ZNF804A: variants seen among roughly 807,000 people sequenced by gnomAD.
ZNF804A encodes the protein zinc finger protein 804A.
Under a neutral mutation model 16.5 loss-of-function variants are expected in ZNF804A, and 2 were observed. The ratio of observed to expected loss-of-function variants is 0.12; its 90% CI spans 0.05 to 0.38. The LOEUF (loss-of-function observed/expected upper bound fraction) is 0.38. ZNF804A is among the 10% of genes least tolerant of loss of function. The probability of loss-of-function intolerance (pLI) is 0.99; values close to 1 mark genes in which losing one functional copy is unlikely to be tolerated. For missense variants in ZNF804A, 1,473 were observed against 1,390.7 expected (o/e 1.06, Z -0.94); for synonymous variants, 534 against 489.6 (o/e 1.09, Z -1.20).
At chr2:184,640,706 C>G (rs1239510962) in intron 1 of ZNF804A, among the ~76,000 whole-genome samples, 1 of 151,978 alleles carries the variant, frequency 6.6e-6, no homozygotes, top group South Asian at 2.1e-4. Context: ...ACATTTTATT[C>G]ATTATATTAG....
rs746430212 is a variant in ZNF804A at position 184,933,590 on chromosome 2, T to C, written c.256-13T>C. 12 of 1,551,480 alleles carry C rather than the reference T, an allele frequency of 7.7e-6. No homozygotes were observed. The highest frequency in any genetic ancestry group is 1.0e-5 in the Non-Finnish European group (12 of 1,155,000). On this transcript the variant is annotated splice_polypyrimidine_tract_variant and intron_variant, in intron 2 of 3. Transcript: ENST00000302277. ...AAAATACAATTAATCATTTTCCAAC[T>C]TTTTTTTAACAGAGGCTCAAGGAAC... is the stretch of plus-strand genomic sequence containing the variant.
chr2:184,720,369 C>T (rs1693290898), intron 1 of ZNF804A, among the ~76,000 whole-genome samples: 1 of 152,058 alleles, frequency 6.6e-6, no homozygotes, highest in Non-Finnish European at 1.5e-5. Flanking sequence ...CTAAAGACTT[C>T]ATAAAAACAC....
chr2:184,662,540 G>A (rs999650754), intron 1 of ZNF804A, among the ~76,000 whole-genome samples: 1 of 152,146 alleles, frequency 6.6e-6, no homozygotes, highest in Non-Finnish European at 1.5e-5. Flanking sequence ...GTCTCAGTGA[G>A]TATTTGCTTA....
At position 184,599,083 on chromosome 2, in the gene ZNF804A, GT is replaced by G. The variant is rs1691005319; in HGVS notation, c.111+17del. 1 of 1,554,804 alleles carries G rather than the reference GT, an allele frequency of 6.4e-7. No homozygotes were observed. Among genetic ancestry groups the G allele is most frequent in the African/African-American group, 1.5e-5 (1 of 66,726 alleles). On this transcript the variant is annotated intron_variant, in intron 1 of 3. Transcript: ENST00000302277. ...GAACAAAACTCTGGTAATCGCTTCTGTTTTCCTCTCTCTCTCTCTCATATTT... is the reference window on the plus strand; with the variant it reads ...GAACAAAACTCTGGTAATCGCTTCTGTTTCCTCTCTCTCTCTCTCATATTT...
At chr2:184,739,090 G>A (rs10167859) in intron 1 of ZNF804A, among the ~76,000 whole-genome samples, 51,001 of 152,012 alleles carry the variant, frequency 0.34, 11,903 homozygotes, top group African/African-American at 0.67. Context: ...GACTAAATTT[G>A]AAGCTTGAGA....
At chr2:184,607,246 C>A (rs1691162723) in intron 1 of ZNF804A, among the ~76,000 whole-genome samples, 1 of 152,152 alleles carries the variant, frequency 6.6e-6, no homozygotes, top group African/African-American at 2.4e-5. Context: ...AAGTCAAGCT[C>A]TCTCTAAATT....
At chr2:184,732,077 C>G (rs1693529028) in intron 1 of ZNF804A, among the ~76,000 whole-genome samples, 1 of 152,048 alleles carries the variant, frequency 6.6e-6, no homozygotes, top group South Asian at 2.1e-4. Flanking sequence ...CTTATCAGTT[C>G]TTTCCTTTGT....
intron 1 of ZNF804A, among the ~76,000 whole-genome samples, chr2:184,741,228 A>G (rs535471269): frequency 2.4e-4 from 36 of 152,308 alleles, no homozygotes; most frequent in Middle Eastern, 6.8e-3. Flanking sequence ...AATAATAAAG[A>G]TTAAATCATC....
At chr2:184,816,760 T>C (rs1694989269) in intron 1 of ZNF804A, among the ~76,000 whole-genome samples, 1 of 151,964 alleles carries the variant, frequency 6.6e-6, no homozygotes, top group Admixed American at 6.6e-5. Context: ...ATTTTTTTTG[T>C]CATTGCTGCT....
chr2:184,641,111 T>C (rs1691789704), intron 1 of ZNF804A, among the ~76,000 whole-genome samples: 1 of 152,098 alleles, frequency 6.6e-6, no homozygotes, highest in African/African-American at 2.4e-5. Context: ...CCGGCCACTA[T>C]GACTGGCTAA....
At chr2:184,608,465 C>T (rs1333366250) in intron 1 of ZNF804A, among the ~76,000 whole-genome samples, 1 of 152,070 alleles carries the variant, frequency 6.6e-6, no homozygotes, top group Non-Finnish European at 1.5e-5. Context: ...CAGCTTTCCT[C>T]ATAATGGCTG....
intron 1 of ZNF804A, among the ~76,000 whole-genome samples, chr2:184,820,571 A>G (rs1695060785): frequency 1.3e-5 from 2 of 152,150 alleles, no homozygotes; most frequent in South Asian, 4.1e-4. Flanking sequence ...TGCAAGGACA[A>G]TCAGGCAAGA....
Position 184,938,624 on chromosome 2 carries a change from C to T in ZNF804A, c.3228C>T (p.Pro1076=). The T allele has an allele frequency of 6.2e-7, 1 of 1,614,004 alleles. No homozygotes were observed. Among genetic ancestry groups the T allele is most frequent in the Non-Finnish European group, 8.5e-7 (1 of 1,179,980 alleles). Residue 1076 remains proline, a synonymous_variant, in exon 4 of 4, where the codon CCC becomes CCT. Transcript: ENST00000302277. ...CCTTTCCTCCAGCTGCCCTCCCACCCCCTAGCACACCTCTGCAGCCTTTGC... is the reference window on the plus strand; with the variant it reads ...CCTTTCCTCCAGCTGCCCTCCCACCTCCTAGCACACCTCTGCAGCCTTTGC... ...KFTFPPAALP[P]PSTPLQPLPL... is the part of the protein sequence containing the mutation.
intron 1 of ZNF804A, among the ~76,000 whole-genome samples, chr2:184,637,012 A>G (rs1479716908): frequency 6.6e-6 from 1 of 152,214 alleles, no homozygotes; most frequent in Non-Finnish European, 1.5e-5. Flanking sequence ...AATGTTGTGT[A>G]GAAGATTTTT....
chr2:184,850,567 T>C (rs370942333), intron 1 of ZNF804A, among the ~76,000 whole-genome samples: 8 of 151,922 alleles, frequency 5.3e-5, no homozygotes, highest in African/African-American at 1.9e-4. Flanking sequence ...AATCAGAATT[T>C]AGCAAATGAT....
At chr2:184,778,082 C>A (rs1694315836) in intron 1 of ZNF804A, among the ~76,000 whole-genome samples, 1 of 151,602 alleles carries the variant, frequency 6.6e-6, no homozygotes, top group Non-Finnish European at 1.5e-5. Context: ...AAAATATGTA[C>A]CCTTTGCTTC....
chr2:184,620,768 T>A (rs552563982), intron 1 of ZNF804A, among the ~76,000 whole-genome samples: 1 of 151,848 alleles, frequency 6.6e-6, no homozygotes, highest in South Asian at 2.1e-4. Context: ...TAGAGAAGTG[T>A]CACAATTATT....
intron 1 of ZNF804A, among the ~76,000 whole-genome samples, chr2:184,779,290 TC>T (rs778837315): frequency 1.3e-5 from 2 of 151,728 alleles, no homozygotes; most frequent in Non-Finnish European, 2.9e-5. Context: ...GTACTTTCAT[TC>T]TTTGTTTGTT....
Position 184,598,955 on chromosome 2 carries a change from G to A in ZNF804A, c.-5G>A. On this transcript the variant is annotated 5_prime_UTR_variant, in exon 1 of 4. Coordinates refer to ENST00000302277, the MANE Select transcript of ZNF804A (RefSeq NM_194250.2). ...GGCTGCGGCGGAGGAGGCGGCGGCT[G>A]CCCCATGGAGTGTTACTACATTGTC... 2 of 1,554,972 alleles carry A rather than the reference G, an allele frequency of 1.3e-6. No homozygotes were observed. Among genetic ancestry groups the A allele is most frequent in the Middle Eastern group, 1.7e-4 (1 of 5,866 alleles).
Sources: allele counts gnomAD v4.1 joint callset (sites outside exome capture counted in the v4.1 genomes callset), GRCh38; gene constraint gnomAD v4.1.1; transcripts MANE v1.5; gene names NCBI Gene and HGNC (gene_info 2026-07-23, HGNC 2026-07-21).